STOX2: variants seen among roughly 807,000 people sequenced by gnomAD.
The protein encoded by STOX2 is storkhead-box protein 2.
In STOX2, 28 loss-of-function variants were observed where a neutral mutation model predicts 60.9. The ratio of observed to expected loss-of-function variants is 0.46; its 90% CI spans 0.34 to 0.63. STOX2 has a LOEUF of 0.63. Among genes scored for constraint, STOX2 ranks in the 30% least tolerant of loss-of-function variants. The probability of loss-of-function intolerance (pLI) is 0.01; values close to 1 mark genes in which losing one functional copy is unlikely to be tolerated. For missense variants in STOX2, 1,024 were observed against 1,187.7 expected, an observed-to-expected ratio of 0.86 and a Z score of 2.03; for synonymous variants, 472 against 463.9, an observed-to-expected ratio of 1.02 and a Z score of -0.22.
chr4:183,840,187 G>A (rs908753956), intron 1 of STOX2, among the ~76,000 whole-genome samples: 1 of 152,160 alleles, frequency 6.6e-6, no homozygotes, highest in Non-Finnish European at 1.5e-5. Flanking sequence ...CAAGTCTTTT[G>A]TATTTAGATT....
Position 183,906,671 on chromosome 4 carries a change from G to T in STOX2, c.-120G>T. Reference sequence around the variant, plus strand: ...TGGCGGTGTAGACGCCGACGAGGAGGGGCTGGGAAAATGTGCGCAGAGTCC... The same window carrying T: ...TGGCGGTGTAGACGCCGACGAGGAGTGGCTGGGAAAATGTGCGCAGAGTCC... On this transcript the variant is annotated 5_prime_UTR_variant, in exon 1 of 4. Coordinates refer to ENST00000308497, the MANE Select transcript of STOX2 (RefSeq NM_020225.3). 2 of 1,136,302 alleles carry T rather than the reference G, an allele frequency of 1.8e-6. No homozygotes were observed. Among genetic ancestry groups the T allele is most frequent in the East Asian group, 2.8e-5 (1 of 35,988 alleles). 70.4% of individuals were successfully genotyped at this position (1,136,302 alleles called of 1,614,324 possible).
chr4:183,880,980 T>C (rs1178479955), intron 1 of STOX2, among the ~76,000 whole-genome samples: 4 of 152,216 alleles, frequency 2.6e-5, no homozygotes, highest in Admixed American at 2.6e-4. Context: ...GTCTGTCTCA[T>C]TGGCTGTGGG....
In STOX2 at chr4:183,906,714, C is replaced by T. The variant is rs1741623543; in HGVS notation, c.-77C>T. 34 of 1,398,184 alleles carry T rather than the reference C, an allele frequency of 2.4e-5. No individual in the cohort carries two copies. The South Asian group carries it at 4.9e-4, about 20-fold the overall frequency. The allele number at this position is 1,398,184 out of a possible 1,614,324, so 86.6% of individuals were successfully genotyped here. On this transcript the variant is annotated 5_prime_UTR_variant, in exon 1 of 4. Coordinates refer to ENST00000308497, the MANE Select transcript of STOX2 (RefSeq NM_020225.3). ...CAGAGTCCGCCCGGGTCGTGCCCGC[C>T]GTAGACGGATGAAGGAGCGCGCTGC...
At chr4:183,957,240 G>A (rs1743278380) in intron 1 of STOX2, among the ~76,000 whole-genome samples, 1 of 151,436 alleles carries the variant, frequency 6.6e-6, no homozygotes, top group Non-Finnish European at 1.5e-5. Context: ...ATGATACTAA[G>A]TTTGATCATT....
intron 1 of STOX2, among the ~76,000 whole-genome samples, chr4:183,986,595 A>G (rs562419844): frequency 7.6e-4 from 116 of 152,404 alleles, no homozygotes; most frequent in Non-Finnish European, 1.3e-3. Flanking sequence ...TGAGTGTCCC[A>G]GACTCTAGGC....
At chr4:184,003,059 T>C (rs1164761979) in intron 2 of STOX2, among the ~76,000 whole-genome samples, 1 of 152,224 alleles carries the variant, frequency 6.6e-6, no homozygotes, top group Non-Finnish European at 1.5e-5. Context: ...CCTTTCCTTT[T>C]AGTAGTGAGA....
At chr4:183,896,613 AT>A (rs1741345733) in intron 1 of STOX2, among the ~76,000 whole-genome samples, 1 of 152,196 alleles carries the variant, frequency 6.6e-6, no homozygotes, top group Non-Finnish European at 1.5e-5. Flanking sequence ...AAGTGCTGGG[AT>A]TACAGGCATG....
intron 1 of STOX2, among the ~76,000 whole-genome samples, chr4:183,876,314 A>G (rs1014335727): frequency 1.3e-5 from 2 of 152,140 alleles, no homozygotes; most frequent in Admixed American, 1.3e-4. Context: ...GCTGTGCGTA[A>G]TGGCTTTCCA....
chr4:183,930,623 G>T (rs1025259102), intron 1 of STOX2, among the ~76,000 whole-genome samples: 1 of 152,018 alleles, frequency 6.6e-6, no homozygotes, highest in South Asian at 2.1e-4. Flanking sequence ...CTCCCAAAGT[G>T]CTGAGATTAC....
intron 1 of STOX2, among the ~76,000 whole-genome samples, chr4:183,939,113 ATAATCT>A (rs1346670446): frequency 6.6e-6 from 1 of 152,226 alleles, no homozygotes; most frequent in South Asian, 2.1e-4. Context: ...GTGATTTGTA[ATAATCT>A]TAATCATTTG....
chr4:183,960,714 G>A (rs1409158299), intron 1 of STOX2, among the ~76,000 whole-genome samples: 1 of 152,142 alleles, frequency 6.6e-6, no homozygotes, highest in East Asian at 1.9e-4. Flanking sequence ...CCATAAAGGG[G>A]GATGTAAAGA....
intron 1 of STOX2, among the ~76,000 whole-genome samples, chr4:183,819,490 T>C (rs113294507): frequency 0.1 from 14,911 of 146,144 alleles, 2,438 homozygotes; most frequent in African/African-American, 0.35. Flanking sequence ...GCAGAGATGG[T>C]GGCAGTACAG....
intron 1 of STOX2, among the ~76,000 whole-genome samples, chr4:183,809,439 A>G (rs11946128): frequency 6.6e-6 from 1 of 151,794 alleles, no homozygotes; most frequent in Admixed American, 6.6e-5. Flanking sequence ...TTGCTCTGTC[A>G]CCAGGCTGGA....
At chr4:183,945,389 G>A (rs1742859917) in intron 1 of STOX2, among the ~76,000 whole-genome samples, 2 of 151,920 alleles carry the variant, frequency 1.3e-5, no homozygotes, top group South Asian at 4.1e-4. Context: ...GAGAGCAAAA[G>A]CAAAGTGACT....
Position 183,906,659 on chromosome 4 carries a change from G to A in STOX2, c.-132G>A. On this transcript the variant is annotated 5_prime_UTR_variant, in exon 1 of 4. Coordinates refer to ENST00000308497, the MANE Select transcript of STOX2 (RefSeq NM_020225.3). ...CGGACCCGCCGCTGGCGGTGTAGAC[G>A]CCGACGAGGAGGGGCTGGGAAAATG... The A allele has an allele frequency of 9.7e-7, 1 of 1,035,918 alleles. No individual in the cohort carries two copies. The highest frequency in any genetic ancestry group is 1.3e-6 in the Non-Finnish European group (1 of 742,032). The allele number at this position is 1,035,918 out of a possible 1,614,324, so 64.2% of individuals were successfully genotyped here. A position where few individuals can be genotyped will look rare whatever the true frequency, so the allele number is the denominator to read the frequency against.
chr4:183,963,845 G>A (rs1313695426), intron 1 of STOX2, among the ~76,000 whole-genome samples: 8 of 145,060 alleles, frequency 5.5e-5, no homozygotes, highest in Admixed American at 2.8e-4. Context: ...GCATGATCTC[G>A]GCTCACTGCA....
intron 1 of STOX2, among the ~76,000 whole-genome samples, chr4:183,949,506 T>C (rs1164744860): frequency 2.6e-5 from 4 of 152,052 alleles, no homozygotes; most frequent in Non-Finnish European, 4.4e-5. Flanking sequence ...GAGACCAGCC[T>C]GGCCAACATG....
intron 1 of STOX2, among the ~76,000 whole-genome samples, chr4:183,837,763 C>T (rs1292136119): frequency 1.3e-5 from 2 of 152,112 alleles, no homozygotes; most frequent in African/African-American, 4.8e-5. Flanking sequence ...CTGGCCTCCA[C>T]GCATGTTGTA....
chr4:183,980,195 A>G (rs1189823769), intron 1 of STOX2, among the ~76,000 whole-genome samples: 2 of 152,208 alleles, frequency 1.3e-5, no homozygotes, highest in African/African-American at 2.4e-5. Flanking sequence ...GCATGATCCA[A>G]CTTCCATGAG....
Sources: allele counts gnomAD v4.1 joint callset (sites outside exome capture counted in the v4.1 genomes callset), GRCh38; gene constraint gnomAD v4.1.1; transcripts MANE v1.5; gene names NCBI Gene and HGNC (gene_info 2026-07-23, HGNC 2026-07-21).